The following ZNF654 variants were observed in gnomAD, a reference collection of about 807,000 sequenced individuals.
ZNF654 encodes the protein zinc finger protein 654, also known as melanoma-associated antigen.
ZNF654 carries 19 observed loss-of-function variants against 95.3 expected under a neutral mutation model. The observed-to-expected ratio is 0.20, with a 90% confidence interval of 0.14 to 0.29. The LOEUF (loss-of-function observed/expected upper bound fraction) is 0.29, where lower values mean the gene tolerates loss of function less well. Among genes scored for constraint, ZNF654 ranks in the 10% least tolerant of loss-of-function variants. The pLI is 1.00. For synonymous variants in ZNF654, 413 were observed against 457.9 expected, an observed-to-expected ratio of 0.90 and a Z score of 1.25; for missense variants, 1,046 against 1,341.0, an observed-to-expected ratio of 0.78 and a Z score of 3.44.
intron 1 of ZNF654, among the ~76,000 whole-genome samples, chr3:88,063,523 A>G (rs2107587676): frequency 6.6e-6 from 1 of 152,326 alleles, no homozygotes; most frequent in South Asian, 2.1e-4. Context: ...TGGTCTTGAT[A>G]TAGGATTTAC....
rs1576262849 is a variant in ZNF654, at chr3:88,095,476, CTT to C, written c.332+9075_332+9076del. 9.8e-6 allele frequency: 4 copies of C among 407,586 alleles called. No homozygotes were observed. In the East Asian group the frequency reaches 3.1e-4, roughly 31 times the overall value. The allele number at this position is 407,586 out of a possible 1,614,324, so 25.2% of individuals were successfully genotyped here. A position where few individuals can be genotyped will look rare whatever the true frequency, so the allele number is the denominator to read the frequency against. ...AGGTACGCATGCAACATCAGTCTCT[CTT>C]CATAAAATGCTGTCATAATTTGTAG... is the stretch of plus-strand genomic sequence containing the variant. On this transcript the variant is annotated intron_variant, in intron 2 of 8. Coordinates refer to ENST00000636215, the MANE Select transcript of ZNF654 (RefSeq NM_001350134.2).
At chr3:88,134,292 T>C (rs772249264) in intron 6 of ZNF654, among the ~76,000 whole-genome samples, 6 of 152,088 alleles carry the variant, frequency 3.9e-5, no homozygotes, top group Non-Finnish European at 5.9e-5. Flanking sequence ...ATGTGCTGAG[T>C]TCAAAGTATA....
rs915586516 is a variant in ZNF654, at chr3:88,059,650, C to G, written c.186+145C>G. 4.0e-6 allele frequency: 5 copies of G among 1,256,390 alleles called. No homozygotes were observed. In the African/African-American group the frequency reaches 7.9e-5, roughly 20 times the overall value. 77.8% of individuals were successfully genotyped at this position (1,256,390 alleles called of 1,614,324 possible). ...GGTGAGGCTGAAGCTCCCTCCTCCA[C>G]TTATCCGGCTTGGGGTGGGGGGCGG... is the stretch of plus-strand genomic sequence containing the variant. On this transcript the variant is annotated intron_variant, in intron 1 of 8. Coordinates refer to ENST00000636215, the MANE Select transcript of ZNF654 (RefSeq NM_001350134.2).
At chr3:88,110,667 C>T (rs1705034570) in intron 2 of ZNF654, among the ~76,000 whole-genome samples, 1 of 152,020 alleles carries the variant, frequency 6.6e-6, no homozygotes, top group Admixed American at 6.6e-5. Context: ...CATTCTGCAC[C>T]CTACAGAGTT....
intron 3 of ZNF654, among the ~76,000 whole-genome samples, chr3:88,125,305 A>G (rs2107818014): frequency 6.6e-6 from 1 of 152,290 alleles, no homozygotes; most frequent in Admixed American, 6.5e-5. Context: ...CAGATCTTAT[A>G]AATCTAGATC....
rs1255678921 is a variant in ZNF654, at chr3:88,140,150, G to A, written c.2481G>A (p.Lys827=). 6.4e-7 allele frequency: 1 copy of A among 1,558,252 alleles called. No individual in the cohort carries two copies. The highest frequency in any genetic ancestry group is 2.4e-5 in the East Asian group (1 of 42,248). The change falls in exon 8 of 9, where the codon AAG becomes AAA. Residue 827 remains lysine, a synonymous_variant. Coordinates refer to ENST00000636215, the MANE Select transcript of ZNF654 (RefSeq NM_001350134.2). ...CLHFNCNESF[K]LPFQLAQHTK... is the part of the protein sequence containing the mutation. ...ATTTTAATTGCAACGAGTCGTTTAAGCTGCCGTTCCAGCTTGCCCAGCACA... is the reference window on the plus strand; with the variant it reads ...ATTTTAATTGCAACGAGTCGTTTAAACTGCCGTTCCAGCTTGCCCAGCACA...
intron 2 of ZNF654, among the ~76,000 whole-genome samples, chr3:88,109,806 T>TA (rs1044095294): frequency 6.6e-6 from 1 of 152,088 alleles, no homozygotes; most frequent in African/African-American, 2.4e-5. Context: ...TTAAACATGG[T>TA]AAAAAATAAT....
rs1341693279 is a variant in ZNF654 at position 88,128,942 on chromosome 3, C to T, written c.684C>T (p.Asp228=). 2 of 1,535,290 alleles carry T rather than the reference C, an allele frequency of 1.3e-6. No individual in the cohort carries two copies. Among genetic ancestry groups the T allele is most frequent in the Non-Finnish European group, 1.7e-6 (2 of 1,146,512 alleles). The change falls in exon 5 of 9, where the codon GAC becomes GAT. Residue 228 remains aspartate, a synonymous_variant. Coordinates refer to ENST00000636215, the MANE Select transcript of ZNF654 (RefSeq NM_001350134.2). ...SCINHPEISK[D]LYFHQALFTC... is the part of the protein sequence containing the mutation. ...TAAATCACCCAGAAATCAGTAAAGA[C>T]TTATACTTCCATCAAGCACTCTTCA... is the stretch of plus-strand genomic sequence containing the variant.
At chr3:88,102,279 G>A (rs1293862523) in intron 2 of ZNF654, among the ~76,000 whole-genome samples, 1 of 152,052 alleles carries the variant, frequency 6.6e-6, no homozygotes, top group East Asian at 1.9e-4. Context: ...CCACTATTGT[G>A]TTTTCTTCAG....
At chr3:88,126,579 CTTTTTTT>C (rs144091813) in intron 4 of ZNF654, among the ~76,000 whole-genome samples, 2 of 81,774 alleles carry the variant, frequency 2.4e-5, no homozygotes, top group Admixed American at 1.4e-4. Flanking sequence ...GTAGAAACAT[CTTTTTTT>C]TTTTTTTTTT....
intron 1 of ZNF654, among the ~76,000 whole-genome samples, chr3:88,072,275 G>A (rs13097271): frequency 0.025 from 3,827 of 152,248 alleles, 61 homozygotes; most frequent in Non-Finnish European, 0.04. Context: ...TTATTTCCCT[G>A]TTGCCACCTT....
intron 2 of ZNF654, 122 bp downstream of exon 2, chr3:88,086,524 A>C: frequency 2.2e-6 from 2 of 900,228 alleles, no homozygotes; most frequent in Non-Finnish European, 3.1e-6. Context: ...AGAAATGTTT[A>C]TTTTTTTCAC....
At chr3:88,086,602 A>C (rs1449774598) in intron 2 of ZNF654, among the ~76,000 whole-genome samples, 200 bp downstream of exon 2, 1 of 152,150 alleles carries the variant, frequency 6.6e-6, no homozygotes, top group Non-Finnish European at 1.5e-5. Flanking sequence ...AGTTAAATGG[A>C]ATTTTGATAT....
intron 1 of ZNF654, among the ~76,000 whole-genome samples, chr3:88,075,576 G>T (rs561057642): frequency 6.6e-6 from 1 of 152,180 alleles, no homozygotes; most frequent in African/African-American, 2.4e-5. Flanking sequence ...CCTTTTCTTT[G>T]CTCTGCTTTT....
At chr3:88,105,009 G>A (rs771037049) in intron 2 of ZNF654, among the ~76,000 whole-genome samples, 2 of 152,182 alleles carry the variant, frequency 1.3e-5, no homozygotes, top group Non-Finnish European at 2.9e-5. Flanking sequence ...GTGTGGTGGC[G>A]CGCGCCTGTA....
chr3:88,071,316 C>T (rs953080475), intron 1 of ZNF654, among the ~76,000 whole-genome samples: 1 of 151,824 alleles, frequency 6.6e-6, no homozygotes, highest in Non-Finnish European at 1.5e-5. Context: ...TTGAGACCAG[C>T]CTGGCCAACA....
intron 6 of ZNF654, 29 bp downstream of exon 6, chr3:88,129,855 A>AT (rs1431066840): frequency 7.2e-7 from 1 of 1,383,102 alleles, no homozygotes; most frequent in Non-Finnish European, 9.5e-7. Flanking sequence ...AGAAATTGAA[A>AT]TGGTAAGATG....
Position 88,140,358 on chromosome 3 carries a change from GAA to G in ZNF654, c.2693_2694del (p.Lys898ArgfsTer4). On this transcript the variant is annotated frameshift_variant, in exon 8 of 9. Coordinates refer to ENST00000636215, the MANE Select transcript of ZNF654 (RefSeq NM_001350134.2). LOFTEE classifies it high-confidence loss of function. ...TCAGACAGACTCAAATCCTAATCAG[GAA>G]AAAGACTCATCTAGTAATGAGAAAC... ...DVQTDSNPNQ[E>X]KDSSSNEKQT... is the part of the protein sequence containing the mutation. The G allele has an allele frequency of 6.2e-7, 1 of 1,612,948 alleles. No individual in the cohort carries two copies. The highest frequency in any genetic ancestry group is 8.5e-7 in the Non-Finnish European group (1 of 1,179,480).
chr3:88,134,490 T>C (rs572498408), intron 6 of ZNF654, among the ~76,000 whole-genome samples: 8 of 152,158 alleles, frequency 5.3e-5, no homozygotes, highest in African/African-American at 1.9e-4. Context: ...GTGCATCAAA[T>C]AACAGTGGTC....
Sources: allele counts gnomAD v4.1 joint callset (sites outside exome capture counted in the v4.1 genomes callset), GRCh38; gene constraint gnomAD v4.1.1; transcripts MANE v1.5; gene names NCBI Gene and HGNC (gene_info 2026-07-23, HGNC 2026-07-21).